Variants in DFFA observed in about 807,000 individuals in gnomAD.
The protein encoded by DFFA is DFF45.
Under a neutral mutation model 28.0 loss-of-function variants are expected in DFFA, and 14 were observed. The ratio of observed to expected loss-of-function variants is 0.50; its 90% CI spans 0.33 to 0.78. The LOEUF is 0.78. Ranked by LOEUF, DFFA falls within the 30% of genes least tolerant of loss-of-function variation. The probability of loss-of-function intolerance (pLI) is 0.02; values close to 1 mark genes in which losing one functional copy is unlikely to be tolerated. For synonymous variants in DFFA, 158 were observed against 170.3 expected (o/e 0.93, Z 0.56); for missense variants, 395 against 407.1 (o/e 0.97, Z 0.26).
intron 5 of DFFA, chr1:10,462,502 G>GATTT (rs1640962428): frequency 1.0e-6 from 1 of 989,694 alleles, no homozygotes; most frequent in African/African-American, 1.7e-5. Context: ...GCAACTCTAA[G>GATTT]GTCCTCCACC....
In DFFA at chr1:10,472,488, G is replaced by C. The variant is rs762713375; in HGVS notation, c.-30C>G. 1.9e-6 allele frequency: 3 copies of C among 1,560,994 alleles called. No individual in the cohort carries two copies. The Admixed American group carries it at 5.5e-5, about 29-fold the overall frequency. ...CACAAGGTGGGACCTGCCCACCTTC[G>C]AGAAGTCGCGGGAGGCCGGAGCGGC... On this transcript the variant is annotated 5_prime_UTR_variant, in exon 1 of 6. Coordinates refer to ENST00000377038, the MANE Select transcript of DFFA (RefSeq NM_004401.3). This position sits in a 1 kb window ranked among gnomAD's most constrained non-coding sequence, Gnocchi z 5.0.
intron 1 of DFFA, among the ~76,000 whole-genome samples, chr1:10,470,293 T>C (rs1478707210): frequency 1.3e-5 from 2 of 152,150 alleles, no homozygotes; most frequent in African/African-American, 2.4e-5. Flanking sequence ...CCTGAAAGTA[T>C]GTTTACTCCA....
chr1:10,472,524 C>T lies in DFFA; in HGVS notation c.-66G>A, dbSNP rs898862649. ...GGAGGCCGGAGCGGCGGTCCTTCTACTCGACCCCCTTCCGCAGCCTGCCGG... is the reference window on the plus strand; with the variant it reads ...GGAGGCCGGAGCGGCGGTCCTTCTATTCGACCCCCTTCCGCAGCCTGCCGG... On this transcript the variant is annotated 5_prime_UTR_variant, in exon 1 of 6. Coordinates refer to ENST00000377038, the MANE Select transcript of DFFA (RefSeq NM_004401.3). This position sits in a 1 kb window ranked among gnomAD's most constrained non-coding sequence, Gnocchi z 5.0. 12 of 1,520,758 alleles carry T rather than the reference C, an allele frequency of 7.9e-6. No homozygotes were observed. The East Asian group carries it at 1.5e-4, about 19-fold the overall frequency. The allele number at this position is 1,520,758 out of a possible 1,614,324, so 94.2% of individuals were successfully genotyped here.
intron 5 of DFFA, chr1:10,462,513 T>G: frequency 3.0e-6 from 3 of 990,066 alleles, no homozygotes; most frequent in Non-Finnish European, 3.6e-6. Context: ...GTCCTCCACC[T>G]TCAGGAAATT....
At chr1:10,465,417 C>T (rs757797711) in intron 3 of DFFA, among the ~76,000 whole-genome samples, 5 of 152,146 alleles carry the variant, frequency 3.3e-5, no homozygotes, top group African/African-American at 4.8e-5. Context: ...AGGTGCTTGC[C>T]GCCACGCCTG....
chr1:10,468,128 CTTTTTT>C (rs57035535), intron 2 of DFFA, among the ~76,000 whole-genome samples: 10 of 148,694 alleles, frequency 6.7e-5, no homozygotes, highest in Admixed American at 6.1e-4. Flanking sequence ...CTTCAGGACA[CTTTTTT>C]TTTTTTTAAG....
Position 10,467,329 on chromosome 1 carries a change from C to T in DFFA, c.302G>A (p.Gly101Glu), listed in dbSNP as rs766807668. ...NEKWAYNNSD[G>E]GTAWISQESF... The stretch of plus-strand genomic sequence containing the variant: ...CTCTTGGGAAATCCAAGCTGTACCT[C>T]CATCTGACACATGGGAGAAAATGCC... Residue 101 changes from glycine to glutamate, a missense_variant, in exon 3 of 6, where the codon GGA (glycine) becomes GAA (glutamate). Gly to Glu is a moderately conservative substitution (Grantham distance 98). Coordinates refer to ENST00000377038, the MANE Select transcript of DFFA (RefSeq NM_004401.3). 1 of 1,614,146 alleles carries T rather than the reference C, an allele frequency of 6.2e-7. No homozygotes were observed. The highest frequency in any genetic ancestry group is 1.7e-5 in the Admixed American group (1 of 60,012).
chr1:10,469,442 G>C, intron 1 of DFFA, 104 bp from the exon 2 acceptor site: 1 of 952,522 alleles, frequency 1.0e-6, no homozygotes, highest in Non-Finnish European at 1.6e-6. Flanking sequence ...CAGAACTCCT[G>C]GTAGGTAATA....
At chr1:10,465,293 G>A (rs574971976) in intron 3 of DFFA, among the ~76,000 whole-genome samples, 1 of 152,040 alleles carries the variant, frequency 6.6e-6, no homozygotes, top group East Asian at 1.9e-4. Flanking sequence ...TTGAGACAGA[G>A]TCTTGCTCTG....
intron 5 of DFFA, 151 bp from the exon 6 acceptor site, chr1:10,461,853 C>T (rs1557792207): frequency 6.9e-7 from 1 of 1,449,344 alleles, no homozygotes; most frequent in Non-Finnish European, 9.1e-7. Context: ...CCATTAATTG[C>T]CACGGGCTTT....
rs372939210 is a variant in DFFA, at chr1:10,461,614, C to T, written c.872G>A (p.Arg291Gln). The part of the protein sequence containing the change: ...KTETVQEACE[R>Q]ELALRLQQTQ... ...CTGCTGCAGGCGCAGGGCGAGCTCC[C>T]GCTCACAGGCCTCCTGAACAGTCTC... The change falls in exon 6 of 6, where the codon CGG (arginine) becomes CAG (glutamine). Residue 291 changes from arginine (R) to glutamine (Q), a missense_variant. Transcript: ENST00000377038. 7.2e-5 allele frequency: 117 copies of T among 1,614,124 alleles called. No homozygotes were observed. The highest frequency in any genetic ancestry group is 5.8e-4 in the East Asian group (26 of 44,888).
At chr1:10,470,178 TTC>T (rs1340823607) in intron 1 of DFFA, among the ~76,000 whole-genome samples, 1 of 152,096 alleles carries the variant, frequency 6.6e-6, no homozygotes, top group South Asian at 2.1e-4. Context: ...CTTTTATTAG[TTC>T]TGTTTTATAG....
At chr1:10,470,215 G>A (rs532332156) in intron 1 of DFFA, among the ~76,000 whole-genome samples, 28 of 152,160 alleles carry the variant, frequency 1.8e-4, no homozygotes, top group Non-Finnish European at 3.4e-4. Flanking sequence ...GCTCAGAGAG[G>A]TTAAGTAACT....
intron 3 of DFFA, 53 bp downstream of exon 3, chr1:10,467,137 G>A (rs1235360699): frequency 1.9e-6 from 3 of 1,606,010 alleles, no homozygotes; most frequent in Non-Finnish European, 2.6e-6. Context: ...AGGTGCTGGG[G>A]CGGGGGGCAG....
In DFFA at chr1:10,463,581, GTTCC is replaced by G. The variant is rs753320199; in HGVS notation, c.477_480del (p.Gln159HisfsTer64). 1.4e-4 allele frequency: 220 copies of G among 1,614,004 alleles called. 1 individual carries two copies. Among genetic ancestry groups the G allele is most frequent in the Non-Finnish European group, 2.7e-5 (32 of 1,180,026 alleles). ...TGGACGGTGGCACAACTCTGACGTAGTTCCTGAGCCAGGTCTGAGCAGGGAGCGT... is the reference window on the plus strand; with the variant it reads ...TGGACGGTGGCACAACTCTGACGTAGTGAGCCAGGTCTGAGCAGGGAGCGT... On this transcript the variant is annotated frameshift_variant, in exon 4 of 6. Transcript: ENST00000377038. LOFTEE classifies it high-confidence loss of function.
chr1:10,461,821 C>A (rs1640945862), intron 5 of DFFA, 119 bp from the exon 6 acceptor site: 1 of 1,486,742 alleles, frequency 6.7e-7, no homozygotes, highest in Non-Finnish European at 8.9e-7. Flanking sequence ...CCTCTTTACA[C>A]TGAAATGCCG....
intron 5 of DFFA, chr1:10,462,801 AG>A (rs1311992989): frequency 7.5e-7 from 1 of 1,340,728 alleles, no homozygotes; most frequent in African/African-American, 1.5e-5. Flanking sequence ...CCTCCCTGTC[AG>A]GAACAGTCAT....
chr1:10,461,141 A>G lies in DFFA; in HGVS notation c.*349T>C. 1 of 196,782 alleles carries G rather than the reference A, an allele frequency of 5.1e-6. No homozygotes were observed. Among genetic ancestry groups the G allele is most frequent in the Non-Finnish European group, 1.1e-5 (1 of 94,060 alleles). 12.2% of individuals were successfully genotyped at this position (196,782 alleles called of 1,614,324 possible). A position where few individuals can be genotyped will look rare whatever the true frequency, so the allele number is the denominator to read the frequency against. On this transcript the variant is annotated 3_prime_UTR_variant, in exon 6 of 6. Transcript: ENST00000377038. ...TAGCCAGGATGGTCTCGATCTCCTG[A>G]CTTCACGATCCGCCCCCCTCGGCCT...
chr1:10,462,049 G>A lies in DFFA; in HGVS notation c.784-347C>T, dbSNP rs150098472. The stretch of plus-strand genomic sequence containing the variant: ...TTTTTGTATTTTTTTTAGTAGAGAC[G>A]GGGTTTCACCGTGTTCGCCAGGATG... On this transcript the variant is annotated intron_variant, in intron 5 of 5. Coordinates refer to ENST00000377038, the MANE Select transcript of DFFA (RefSeq NM_004401.3). Among the ~76,000 whole-genome samples the A allele has an allele frequency of 2.3e-3, 356 of 152,208 alleles. 3 individuals are homozygous for A. Among genetic ancestry groups the A allele is most frequent in the South Asian group, 7.1e-3 (34 of 4,820 alleles).
Sources: allele counts gnomAD v4.1 joint callset (sites outside exome capture counted in the v4.1 genomes callset), GRCh38; gene constraint gnomAD v4.1.1; non-coding constraint Gnocchi (gnomAD v3.1); transcripts MANE v1.5; gene names NCBI Gene and HGNC (gene_info 2026-07-23, HGNC 2026-07-21).